Variants in ZNF487 observed in about 807,000 individuals in gnomAD.
ZNF487 encodes KRAB domain only 1.
In ZNF487, 4 loss-of-function variants were observed where a neutral mutation model predicts 3.0. That is an observed-to-expected ratio of 1.35 (90% confidence interval 0.66 to 3.08). ZNF487 has a LOEUF of 3.08. Among genes scored for constraint, ZNF487 ranks in the 30% most tolerant of loss-of-function variants. The pLI is 0.01. For missense variants in ZNF487, 146 were observed against 98.7 expected (o/e 1.48, Z -2.03); for synonymous variants, 55 against 34.6 (o/e 1.59, Z -2.06).
the ZNF487 span, among the ~76,000 whole-genome samples, chr10:43,499,180 A>G: frequency 6.6e-6 from 1 of 152,250 alleles, no homozygotes; most frequent in Admixed American, 6.5e-5. Flanking sequence ...AAACCTGCAA[A>G]TGAGAGAAAG....
chr10:43,522,144 T>C, the ZNF487 span, among the ~76,000 whole-genome samples: 2 of 152,216 alleles, frequency 1.3e-5, no homozygotes, highest in South Asian at 2.1e-4. Context: ...TAAGAATTAC[T>C]GTCTGGGCAA....
At chr10:43,466,251 C>T (rs1297266265) in intron 1 of ZNF487, among the ~76,000 whole-genome samples, 1 of 151,920 alleles carries the variant, frequency 6.6e-6, no homozygotes, top group Non-Finnish European at 1.5e-5. Context: ...ACCATGTTGG[C>T]CAGGCTGGTC....
intron 1 of ZNF487, among the ~76,000 whole-genome samples, chr10:43,467,965 G>A (rs1299448727): frequency 1.3e-5 from 2 of 152,156 alleles, no homozygotes; most frequent in Non-Finnish European, 2.9e-5. Flanking sequence ...ACGATTCATG[G>A]GAATAGGTCC....
At chr10:43,470,095 A>G (rs972073827) in intron 1 of ZNF487, among the ~76,000 whole-genome samples, 2 of 152,168 alleles carry the variant, frequency 1.3e-5, no homozygotes, top group Non-Finnish European at 1.5e-5. Flanking sequence ...CATTTGCTTT[A>G]TTGCAGTGGT....
At chr10:43,486,250 C>T (rs1045335093), downstream of ZNF487, among the ~76,000 whole-genome samples, 2 of 152,156 alleles carry the variant, frequency 1.3e-5, no homozygotes, top group African/African-American at 2.4e-5. Context: ...AAAGCCTGGG[C>T]AGGGTGGCTC....
At chr10:43,492,660 A>G in the ZNF487 span, among the ~76,000 whole-genome samples, 2 of 152,090 alleles carry the variant, frequency 1.3e-5, no homozygotes, top group African/African-American at 4.8e-5. Flanking sequence ...TCACCATGTT[A>G]GCCAGAATGA....
the ZNF487 span, among the ~76,000 whole-genome samples, chr10:43,521,209 C>T: frequency 6.6e-6 from 1 of 152,170 alleles, no homozygotes; most frequent in African/African-American, 2.4e-5. Flanking sequence ...CCTCTGCCCA[C>T]ATTTTTGTTA....
At chr10:43,508,180 C>A in the ZNF487 span, among the ~76,000 whole-genome samples, 5 of 152,158 alleles carry the variant, frequency 3.3e-5, no homozygotes, top group Admixed American at 3.3e-4. Flanking sequence ...ACCCTGTAAA[C>A]CAACCATTGC....
intron 1 of ZNF487, chr10:43,453,671 C>A (rs1198089192): frequency 6.6e-6 from 1 of 152,166 alleles, no homozygotes; most frequent in African/African-American, 2.4e-5. Context: ...TGAGCAGTCA[C>A]CAACAGACAG....
intron 1 of ZNF487, among the ~76,000 whole-genome samples, chr10:43,466,088 T>A (rs1173865673): frequency 6.6e-6 from 1 of 151,918 alleles, no homozygotes; most frequent in Non-Finnish European, 1.5e-5. Context: ...CTCGGCAGGC[T>A]GAAGCAGGAG....
intron 1 of ZNF487, among the ~76,000 whole-genome samples, chr10:43,465,091 G>A (rs1226319644): frequency 1.3e-5 from 2 of 148,682 alleles, no homozygotes; most frequent in African/African-American, 5.0e-5. Context: ...CCGGGCGGGG[G>A]GCTGACCCCC....
intron 1 of ZNF487, among the ~76,000 whole-genome samples, chr10:43,451,348 T>C (rs4360657): frequency 0.98 from 149,388 of 151,826 alleles, 73,541 homozygotes; most frequent in Middle Eastern, 1. Flanking sequence ...TGGATCCAAG[T>C]GATTCTCCTG....
In ZNF487 at chr10:43,481,594, G is replaced by A. The variant is rs1431687173; in HGVS notation, c.296G>A (p.Arg99His). ...DTNPILSRKI[R>H]GNCDSSGMNL... ...AACCCCATTCTATCAAGAAAAATAC[G>A]TGGCAACTGTGACTCATCTGGAATG... The change falls in exon 4 of 4, where the codon CGT becomes CAT. Residue 99 changes from arginine to histidine, a missense_variant. Arg to His is a conservative substitution (Grantham distance 29). Transcript: ENST00000437590. 8.6e-6 allele frequency: 6 copies of A among 696,136 alleles called. No homozygotes were observed. The highest frequency in any genetic ancestry group is 3.6e-5 in the African/African-American group (2 of 56,056). 43.1% of individuals were successfully genotyped at this position (696,136 alleles called of 1,614,324 possible).
the ZNF487 span, among the ~76,000 whole-genome samples, chr10:43,521,865 G>A: frequency 0.69 from 103,579 of 150,762 alleles, 35,922 homozygotes; most frequent in East Asian, 1. Flanking sequence ...ATATACACAC[G>A]TATATATTAT....
At chr10:43,462,750 G>A (rs192111518) in intron 1 of ZNF487, among the ~76,000 whole-genome samples, 3 of 150,198 alleles carry the variant, frequency 2.0e-5, no homozygotes, top group African/African-American at 7.3e-5. Context: ...CACTGCATCC[G>A]GCCTTTTTTT....
intron 1 of ZNF487, among the ~76,000 whole-genome samples, chr10:43,473,410 T>C (rs964911462): frequency 3.9e-5 from 6 of 152,084 alleles, no homozygotes; most frequent in Non-Finnish European, 7.4e-5. Flanking sequence ...TTTTGGGACT[T>C]TTTCTTTTCA....
intron 1 of ZNF487, among the ~76,000 whole-genome samples, chr10:43,438,480 C>A (rs1389237958): frequency 6.6e-6 from 1 of 152,146 alleles, no homozygotes; most frequent in African/African-American, 2.4e-5. Flanking sequence ...GCCACTGCAC[C>A]CAGCCCCCAT....
intron 1 of ZNF487, among the ~76,000 whole-genome samples, chr10:43,448,720 G>A (rs1158356489): frequency 6.6e-6 from 1 of 152,138 alleles, no homozygotes; most frequent in Non-Finnish European, 1.5e-5. Flanking sequence ...GGGAGGCTGA[G>A]ACAGGAGAAT....
At chr10:43,498,275 TTTTTTTC>T in the ZNF487 span, among the ~76,000 whole-genome samples, 2 of 115,818 alleles carry the variant, frequency 1.7e-5, no homozygotes, top group Non-Finnish European at 3.6e-5. Flanking sequence ...TATATATATA[TTTTTTTC>T]TTTTTTCTTT....
Sources: gnomAD v4.1 joint callset for allele counts (sites outside exome capture counted in the v4.1 genomes callset) on GRCh38, gnomAD v4.1.1 for gene constraint, MANE v1.5 for transcripts, NCBI Gene and HGNC (gene_info 2026-07-23, HGNC 2026-07-21) for gene names.